The following KIAA1671 variants were observed in gnomAD, a reference collection of about 807,000 sequenced individuals.
The protein encoded by KIAA1671 is KIAA1671.
In KIAA1671, 52 loss-of-function variants were observed where a neutral mutation model predicts 131.2. The ratio of observed to expected loss-of-function variants is 0.40; its 90% CI spans 0.32 to 0.50. KIAA1671 has a LOEUF of 0.50. KIAA1671 is among the 20% of genes least tolerant of loss of function. The pLI is 0.73. For missense variants in KIAA1671, 2,360 were observed against 2,364.2 expected (o/e 1.00, Z 0.04); for synonymous variants, 1,003 against 961.6 (o/e 1.04, Z -0.80).
chr22:25,085,103 G>T (rs5752055), intron 6 of KIAA1671, among the ~76,000 whole-genome samples: 40 of 152,228 alleles, frequency 2.6e-4, no homozygotes, highest in African/African-American at 9.6e-4. Flanking sequence ...CAGAGAATGT[G>T]TAGCCACATT....
intron 6 of KIAA1671, among the ~76,000 whole-genome samples, chr22:25,073,378 T>A (rs5760829): frequency 0.29 from 43,464 of 150,096 alleles, 6,269 homozygotes; most frequent in Middle Eastern, 0.36. Context: ...TGCAAATTTT[T>A]AAAGTTTTAA....
chr22:25,153,822 G>A (rs1397544628), intron 6 of KIAA1671, among the ~76,000 whole-genome samples: 1 of 152,238 alleles, frequency 6.6e-6, no homozygotes, highest in Non-Finnish European at 1.5e-5. Context: ...AATCAGAGAA[G>A]TGCAGTCCCT....
chr22:25,051,479 G>C (rs1469381352), intron 6 of KIAA1671: 2 of 152,234 alleles, frequency 1.3e-5, no homozygotes, highest in East Asian at 1.9e-4. Context: ...AGATCACCCA[G>C]CACATAGTAA....
Position 24,966,095 on chromosome 22 carries a change from A to G in KIAA1671, c.-208+13323A>G, listed in dbSNP as rs1922290136. On this transcript the variant is annotated intron_variant, in intron 1 of 12. Transcript: ENST00000358431. The stretch of plus-strand genomic sequence containing the variant: ...AGGGAGGACTAGAGCTTTGTTATTA[A>G]TACACGAGAATCTCATTCCAGTGTA... Among the ~76,000 whole-genome samples, 5 of 152,212 alleles carry G rather than the reference A, an allele frequency of 3.3e-5. No homozygotes were observed. In the South Asian group the frequency reaches 8.3e-4, roughly 25 times the overall value.
At chr22:25,182,182 A>AAAAAAAAC (rs60110937) in intron 10 of KIAA1671, among the ~76,000 whole-genome samples, 39,717 of 148,384 alleles carry the variant, frequency 0.27, 6,165 homozygotes, top group East Asian at 0.48. Flanking sequence ...CCATCTCAAA[A>AAAAAAAAC]AAAAAACAAA....
chr22:24,973,138 A>G (rs1382106180), intron 1 of KIAA1671, among the ~76,000 whole-genome samples: 1 of 152,198 alleles, frequency 6.6e-6, no homozygotes, highest in Non-Finnish European at 1.5e-5. Flanking sequence ...AGTGCAGGGC[A>G]ATGTGGGGTT....
intron 1 of KIAA1671, among the ~76,000 whole-genome samples, chr22:24,958,823 A>G (rs949456056): frequency 6.6e-6 from 1 of 151,262 alleles, no homozygotes; most frequent in Non-Finnish European, 1.5e-5. Context: ...ATACAAAACA[A>G]AACAAAAAAA....
rs531437216 is a variant in KIAA1671 at position 25,109,841 on chromosome 22, GAT to G, written c.4530+60478_4530+60479del. On this transcript the variant is annotated intron_variant, in intron 6 of 12. Coordinates refer to ENST00000358431, the MANE Select transcript of KIAA1671 (RefSeq NM_001145206.2). ...ATGAATGAAAGAATGAATGAGGCTG[GAT>G]GTGGTGGCTCATGCTTGTAATCCCA... 1.0e-3 allele frequency among the ~76,000 whole-genome samples: 155 copies of G among 152,314 alleles called. 1 individual carries two copies. The highest frequency in any genetic ancestry group is 3.7e-3 in the African/African-American group (153 of 41,572).
chr22:25,094,201 G>A (rs1393876233), intron 6 of KIAA1671, among the ~76,000 whole-genome samples: 3 of 152,112 alleles, frequency 2.0e-5, no homozygotes, highest in Non-Finnish European at 2.9e-5. Context: ...GGGATGAATG[G>A]TGGTTAAACG....
At chr22:24,972,903 G>A (rs895931262) in intron 1 of KIAA1671, among the ~76,000 whole-genome samples, 3 of 152,194 alleles carry the variant, frequency 2.0e-5, no homozygotes, top group Non-Finnish European at 2.9e-5. Context: ...TGTGGAAGAC[G>A]GTGTCTGCTT....
chr22:25,100,203 G>A (rs1015000109), intron 6 of KIAA1671, among the ~76,000 whole-genome samples: 1 of 152,194 alleles, frequency 6.6e-6, no homozygotes, highest in East Asian at 1.9e-4. Context: ...TGGGCAGGAG[G>A]GCATGGAAGA....
At chr22:25,123,651 G>A (rs1932050352) in intron 6 of KIAA1671, among the ~76,000 whole-genome samples, 1 of 152,170 alleles carries the variant, frequency 6.6e-6, no homozygotes, top group Non-Finnish European at 1.5e-5. Context: ...CCACCAGCAA[G>A]GAACTGAAAT....
At chr22:25,022,529 T>C (rs1925731568) in intron 1 of KIAA1671, 3 of 152,344 alleles carry the variant, frequency 2.0e-5, no homozygotes, top group South Asian at 2.1e-4. Flanking sequence ...TTTCAGCACC[T>C]GTTGCTCTTG....
intron 6 of KIAA1671, among the ~76,000 whole-genome samples, chr22:25,087,603 C>A (rs1193956121): frequency 6.6e-6 from 1 of 152,112 alleles, no homozygotes; most frequent in Non-Finnish European, 1.5e-5. Flanking sequence ...AACCAACCAA[C>A]CAAACAACAA....
chr22:24,988,074 G>A (rs543781254), intron 1 of KIAA1671, among the ~76,000 whole-genome samples: 11 of 151,436 alleles, frequency 7.3e-5, no homozygotes, highest in East Asian at 3.9e-4. Context: ...TCAAGAGTTC[G>A]AGACCAGCTT....
At chr22:24,987,380 C>A (rs1029747276) in intron 1 of KIAA1671, among the ~76,000 whole-genome samples, 21 of 151,954 alleles carry the variant, frequency 1.4e-4, no homozygotes, top group Non-Finnish European at 2.6e-4. Context: ...ACCGTGTTAG[C>A]CAGGATGTTC....
At chr22:25,111,351 C>T (rs1171366172) in intron 6 of KIAA1671, among the ~76,000 whole-genome samples, 1 of 152,230 alleles carries the variant, frequency 6.6e-6, no homozygotes, top group Non-Finnish European at 1.5e-5. Flanking sequence ...CCCGAGGGAC[C>T]GTGAGCGAGT....
In KIAA1671 at chr22:25,029,059, C is replaced by T. The variant is rs1038463756; in HGVS notation, c.1060C>T (p.Arg354Trp). Reference sequence around the variant, plus strand: ...GGAGGTGGCCAAGAAAATCCGTGAACGGAAGGAGAAGATGCTTTCGAAGCC... The same window carrying T: ...GGAGGTGGCCAAGAAAATCCGTGAATGGAAGGAGAAGATGCTTTCGAAGCC... ...FLEVAKKIRE[R>W]KEKMLSKPEM... The change falls in exon 3 of 13, where the codon CGG (arginine) becomes TGG (tryptophan). Residue 354 changes from arginine (R) to tryptophan (W), a missense_variant. By Grantham distance (101) the Arg-to-Trp change is moderately radical. This residue lies in a region of KIAA1671 where 1,185 missense variants were observed against 1,126.2 expected (regional missense o/e 1.05). Coordinates refer to ENST00000358431, the MANE Select transcript of KIAA1671 (RefSeq NM_001145206.2). 6.0e-6 allele frequency: 9 copies of T among 1,505,172 alleles called. No individual in the cohort carries two copies. The highest frequency in any genetic ancestry group is 5.6e-5 in the African/African-American group (4 of 71,438). The allele number at this position is 1,505,172 out of a possible 1,614,324, so 93.2% of individuals were successfully genotyped here. A position where few individuals can be genotyped will look rare whatever the true frequency, so the allele number is the denominator to read the frequency against.
At chr22:25,067,811 CT>C (rs1471448303) in intron 6 of KIAA1671, among the ~76,000 whole-genome samples, 1 of 152,224 alleles carries the variant, frequency 6.6e-6, no homozygotes, top group Non-Finnish European at 1.5e-5. Context: ...CAGAAAGGCC[CT>C]GGCGGGCCCC....
Sources: allele counts gnomAD v4.1 joint callset (sites outside exome capture counted in the v4.1 genomes callset), GRCh38; gene constraint gnomAD v4.1.1; regional missense constraint gnomAD v4.1.1; transcripts MANE v1.5; gene names NCBI Gene and HGNC (gene_info 2026-07-23, HGNC 2026-07-21).